The following RANBP9 variants were observed in gnomAD, a reference collection of about 807,000 sequenced individuals.
RANBP9 encodes RAN binding protein 9, also known as ran-binding protein 9.
In RANBP9, 15 loss-of-function variants were observed where a neutral mutation model predicts 84.3. That is an observed-to-expected ratio of 0.18 (90% CI 0.12 to 0.27). The LOEUF (loss-of-function observed/expected upper bound fraction) is 0.27, where lower values mean the gene tolerates loss of function less well. RANBP9 is among the 10% of genes least tolerant of loss of function. The pLI is 1.00. For synonymous variants in RANBP9, 392 were observed against 349.6 expected (o/e 1.12, Z -1.35); for missense variants, 809 against 912.8 (o/e 0.89, Z 1.46).
intron 12 of RANBP9, among the ~76,000 whole-genome samples, chr6:13,627,608 C>T (rs1458292982): frequency 3.2e-5 from 4 of 125,952 alleles, no homozygotes; most frequent in East Asian, 2.3e-4. Flanking sequence ...CCAGCATGGA[C>T]GACAGAGAGA....
chr6:13,645,235 T>C (rs1177401553), intron 5 of RANBP9, among the ~76,000 whole-genome samples: 2 of 152,046 alleles, frequency 1.3e-5, no homozygotes, highest in African/African-American at 2.4e-5. Context: ...GATGCCTAAC[T>C]TTACAAAGGG....
intron 13 of RANBP9, among the ~76,000 whole-genome samples, 162 bp from the exon 14 acceptor site, chr6:13,622,654 G>C (rs1322264024): frequency 6.6e-6 from 1 of 152,106 alleles, no homozygotes; most frequent in African/African-American, 2.4e-5. Flanking sequence ...ATGCCGCCTT[G>C]GACATACTAT....
rs143758697 is a variant in RANBP9 at position 13,694,344 on chromosome 6, T to C, written c.683+2441A>G. Among the ~76,000 whole-genome samples the C allele has an allele frequency of 5.2e-3, 796 of 152,308 alleles. 4 individuals are homozygous for C. Among genetic ancestry groups the C allele is most frequent in the African/African-American group, 0.018 (751 of 41,556 alleles). The stretch of plus-strand genomic sequence containing the variant: ...ATTTAAAAGGACTGTTCTATGAATA[T>C]ATACAACAGGGAGGAATCTCGAATG... On this transcript the variant is annotated intron_variant, in intron 2 of 13. Transcript: ENST00000011619.
chr6:13,650,800 C>CAA (rs1218076427), intron 5 of RANBP9, among the ~76,000 whole-genome samples: 1 of 151,898 alleles, frequency 6.6e-6, no homozygotes, highest in Non-Finnish European at 1.5e-5. Context: ...CCGTCTCTAC[C>CAA]AAAAATACAA....
At chr6:13,670,826 A>G (rs1456999593) in intron 2 of RANBP9, among the ~76,000 whole-genome samples, 1 of 151,172 alleles carries the variant, frequency 6.6e-6, no homozygotes, top group African/African-American at 2.4e-5. Flanking sequence ...AAAAAAGTAG[A>G]CAAACTAGAC....
intron 12 of RANBP9, among the ~76,000 whole-genome samples, chr6:13,627,522 C>T (rs1228257110): frequency 4.0e-5 from 6 of 149,132 alleles, no homozygotes; most frequent in Non-Finnish European, 5.9e-5. Flanking sequence ...CTCAGCTACT[C>T]GGGAGGCTGA....
intron 7 of RANBP9, among the ~76,000 whole-genome samples, chr6:13,641,650 G>C (rs1765066885): frequency 6.6e-6 from 1 of 152,008 alleles, no homozygotes; most frequent in Admixed American, 6.6e-5. Context: ...ATAATCTTCT[G>C]AACAAAGGAC....
intron 4 of RANBP9, among the ~76,000 whole-genome samples, chr6:13,654,144 AAATT>A (rs768447512): frequency 1.3e-5 from 2 of 152,146 alleles, no homozygotes; most frequent in Admixed American, 6.5e-5. Flanking sequence ...GAAAAATTCA[AAATT>A]AATTCCAAAG....
intron 10 of RANBP9, among the ~76,000 whole-genome samples, chr6:13,635,785 A>G (rs1764922646): frequency 6.6e-6 from 1 of 151,938 alleles, no homozygotes; most frequent in Non-Finnish European, 1.5e-5. Flanking sequence ...CACAGCTTTC[A>G]GTGGCTTTTT....
intron 1 of RANBP9, among the ~76,000 whole-genome samples, chr6:13,703,571 G>A (rs1758028646): frequency 1.3e-5 from 2 of 152,174 alleles, no homozygotes. Context: ...CTGACTTGAA[G>A]GCCACCAATT....
At chr6:13,683,385 C>G (rs1258261726) in intron 2 of RANBP9, among the ~76,000 whole-genome samples, 6 of 152,088 alleles carry the variant, frequency 3.9e-5, no homozygotes. Context: ...TTCATCAGGA[C>G]AAAACTATAT....
intron 10 of RANBP9, among the ~76,000 whole-genome samples, chr6:13,636,202 T>C (rs1369073927): frequency 6.6e-6 from 1 of 152,194 alleles, no homozygotes; most frequent in Non-Finnish European, 1.5e-5. Flanking sequence ...AGTCAAATCC[T>C]GAAACGCAGC....
chr6:13,639,813 G>GC, intron 8 of RANBP9, 60 bp from the exon 9 acceptor site: 2 of 1,348,820 alleles, frequency 1.5e-6, no homozygotes, highest in Non-Finnish European at 2.1e-6. Flanking sequence ...TTATTTAATA[G>GC]CAACAGATTT....
intron 5 of RANBP9, 70 bp from the exon 6 acceptor site, chr6:13,644,799 C>G (rs1198204071): frequency 1.6e-6 from 2 of 1,217,116 alleles, no homozygotes. Context: ...TTTAATGTTA[C>G]ATTTAAAAGA....
At chr6:13,684,562 T>C (rs1048203649) in intron 2 of RANBP9, among the ~76,000 whole-genome samples, 5 of 152,200 alleles carry the variant, frequency 3.3e-5, no homozygotes, top group East Asian at 3.8e-4. Flanking sequence ...TAGTAAAAAA[T>C]TGTAAGTATG....
At position 13,647,716 on chromosome 6, in the gene RANBP9, T is replaced by C. The variant is rs941333689; in HGVS notation, c.928-2987A>G. On this transcript the variant is annotated intron_variant, in intron 5 of 13. Coordinates refer to ENST00000011619, the MANE Select transcript of RANBP9 (RefSeq NM_005493.3). ...TTTCTGTATATATAAACATTTCTCA[T>C]TTAAGTATTTAATACTATACATTAC... 3.3e-5 allele frequency among the ~76,000 whole-genome samples: 5 copies of C among 152,168 alleles called. No individual in the cohort carries two copies. The South Asian group carries it at 6.2e-4, about 19-fold the overall frequency.
rs1758273720 is a variant in RANBP9 at position 13,711,276 on chromosome 6, G to A, written c.230C>T (p.Pro77Leu). 2.0e-6 allele frequency: 2 copies of A among 991,652 alleles called. No individual in the cohort carries two copies. Among genetic ancestry groups the A allele is most frequent in the Admixed American group, 6.1e-5 (1 of 16,268 alleles). The allele number at this position is 991,652 out of a possible 1,614,324, so 61.4% of individuals were successfully genotyped here. A position where few individuals can be genotyped will look rare whatever the true frequency, so the allele number is the denominator to read the frequency against. The stretch of plus-strand genomic sequence containing the variant: ...CGGGGGCGGCGGGGCCGCGGTGGCC[G>A]GGGGCGGCGGCGGCGGAGGGTGGAG... ...LLLHPPPPPP[P>L]ATAAPPPPPP... The change falls in exon 1 of 14, where the codon CCG (proline) becomes CTG (leucine). Residue 77 changes from proline (P) to leucine (L), a missense_variant. Pro to Leu is a moderately conservative substitution (Grantham distance 98). Transcript: ENST00000011619.
chr6:13,632,965 G>T (rs1342785087), intron 11 of RANBP9, among the ~76,000 whole-genome samples: 1 of 150,968 alleles, frequency 6.6e-6, no homozygotes, highest in Admixed American at 6.6e-5. Flanking sequence ...TAAAAATACA[G>T]AAGACAGCAT....
At chr6:13,707,180 A>C (rs2113373404) in intron 1 of RANBP9, among the ~76,000 whole-genome samples, 1 of 151,972 alleles carries the variant, frequency 6.6e-6, no homozygotes, top group East Asian at 1.9e-4. Context: ...TGTGCCACTT[A>C]GCCCGGTTAA....
Sources: gnomAD v4.1 joint callset for allele counts (sites outside exome capture counted in the v4.1 genomes callset) on GRCh38, gnomAD v4.1.1 for gene constraint, MANE v1.5 for transcripts, NCBI Gene and HGNC (gene_info 2026-07-23, HGNC 2026-07-21) for gene names.